The following CDYL variants were observed in gnomAD, a reference collection of about 807,000 sequenced individuals.
CDYL encodes the protein chromodomain Y-like protein.
In CDYL, 8 loss-of-function variants were observed where a neutral mutation model predicts 47.3. That is an observed-to-expected ratio of 0.17 (90% CI 0.10 to 0.31). CDYL has a LOEUF of 0.31. Ranked by LOEUF, CDYL falls within the 10% of genes least tolerant of loss-of-function variation. The pLI, the probability that CDYL is intolerant of heterozygous loss-of-function variation, is 1.00. For synonymous variants in CDYL, 266 were observed against 265.0 expected, an observed-to-expected ratio of 1.00 and a Z score of -0.04; for missense variants, 471 against 701.4, an observed-to-expected ratio of 0.67 and a Z score of 3.71.
At chr6:4,899,273 G>T (rs578124366) in intron 2 of CDYL, among the ~76,000 whole-genome samples, 64 of 152,344 alleles carry the variant, frequency 4.2e-4, no homozygotes, top group African/African-American at 1.5e-3. Context: ...TGTGGCTGGG[G>T]CCTGTGAATT....
chr6:4,938,980 C>G lies in CDYL; in HGVS notation c.1121+1243C>G, dbSNP rs571808572. 4.2e-4 allele frequency among the ~76,000 whole-genome samples: 64 copies of G among 152,300 alleles called. 1 individual carries two copies. In the South Asian group the frequency reaches 0.012, roughly 30 times the overall value. On this transcript the variant is annotated intron_variant, in intron 4 of 6. Transcript: ENST00000397588. Reference sequence around the variant, plus strand: ...AAAATGGATGAAACCTAGTCATCAACATGAAAGTTGGCTATGCTTCTCTAC... The same window carrying G: ...AAAATGGATGAAACCTAGTCATCAAGATGAAAGTTGGCTATGCTTCTCTAC...
At chr6:4,787,597 A>T (rs963246489) in intron 1 of CDYL, among the ~76,000 whole-genome samples, 6 of 152,032 alleles carry the variant, frequency 3.9e-5, no homozygotes, top group African/African-American at 1.2e-4. Context: ...AGACACATTC[A>T]GCTTGCCCAG....
intron 2 of CDYL, among the ~76,000 whole-genome samples, chr6:4,924,176 A>T (rs1370793214): frequency 6.6e-6 from 1 of 152,228 alleles, no homozygotes; most frequent in African/African-American, 2.4e-5. Flanking sequence ...TGGTACTTTT[A>T]TCTCAAAATA....
intron 2 of CDYL, among the ~76,000 whole-genome samples, chr6:4,895,152 CACAT>C (rs1332468200): frequency 8.5e-6 from 1 of 117,608 alleles, no homozygotes; most frequent in African/African-American, 2.8e-5. Flanking sequence ...TGTATCTATA[CACAT>C]ACATGTACAT....
intron 1 of CDYL, among the ~76,000 whole-genome samples, chr6:4,849,785 A>G (rs1234324124): frequency 1.3e-5 from 2 of 152,174 alleles, no homozygotes; most frequent in Non-Finnish European, 1.5e-5. Context: ...TTCAAGGGAC[A>G]TAGCAGGAAA....
intron 2 of CDYL, among the ~76,000 whole-genome samples, chr6:4,932,368 G>A (rs1758057004): frequency 6.6e-6 from 1 of 152,100 alleles, no homozygotes. Flanking sequence ...GGGGGTGTCG[G>A]CCCTCATTTA....
At chr6:4,899,550 TAGTAA>T (rs987437163) in intron 2 of CDYL, among the ~76,000 whole-genome samples, 7 of 152,208 alleles carry the variant, frequency 4.6e-5, no homozygotes, top group Non-Finnish European at 7.3e-5. Flanking sequence ...AAAGGCTGTT[TAGTAA>T]GGTCTGTTGA....
chr6:4,780,274 G>T (rs1758575844), intron 1 of CDYL, among the ~76,000 whole-genome samples: 1 of 148,670 alleles, frequency 6.7e-6, no homozygotes, highest in Non-Finnish European at 1.5e-5. Flanking sequence ...CTATCTCCCA[G>T]GCTGATGTGC....
intron 2 of CDYL, among the ~76,000 whole-genome samples, chr6:4,917,540 A>G (rs919015702): frequency 6.6e-6 from 1 of 152,216 alleles, no homozygotes; most frequent in Admixed American, 6.5e-5. Flanking sequence ...ACACAGTTAA[A>G]ATTAATGTAA....
At chr6:4,822,150 A>T (rs77855865) in intron 1 of CDYL, among the ~76,000 whole-genome samples, 2 of 138,360 alleles carry the variant, frequency 1.4e-5, no homozygotes, top group Non-Finnish European at 1.5e-5. Context: ...TCTTTTCTTT[A>T]TTTTTTTTTT....
At position 4,755,246 on chromosome 6, in the gene CDYL, T is replaced by C. The variant is rs577772897; in HGVS notation, c.186+20402T>C. 2.7e-4 allele frequency among the ~76,000 whole-genome samples: 41 copies of C among 151,912 alleles called. No individual in the cohort carries two copies. In the East Asian group the frequency reaches 6.8e-3, roughly 25 times the overall value. On this transcript the variant is annotated intron_variant, in intron 3 of 8. Coordinates refer to the CDYL transcript ENST00000328908. ...CACCTAATTTTTTTTTTTTTTTGTA[T>C]TTTTAGTTGAGACGGGGTTTCCCCC...
At chr6:4,784,532 G>A (rs193224393) in intron 1 of CDYL, among the ~76,000 whole-genome samples, 2 of 152,328 alleles carry the variant, frequency 1.3e-5, no homozygotes, top group East Asian at 3.9e-4. Context: ...TTTTCAAGAG[G>A]ACTGTTTATG....
chr6:4,812,916 T>C (rs1310138701), intron 1 of CDYL, among the ~76,000 whole-genome samples: 2 of 152,324 alleles, frequency 1.3e-5, no homozygotes, highest in South Asian at 2.1e-4. Context: ...ATGTGTGTGT[T>C]GTGTATTGTA....
At chr6:4,798,501 T>C (rs1377028223) in intron 1 of CDYL, among the ~76,000 whole-genome samples, 1 of 152,232 alleles carries the variant, frequency 6.6e-6, no homozygotes, top group Non-Finnish European at 1.5e-5. Flanking sequence ...GATAGTTCTG[T>C]AGTTTTATTA....
At chr6:4,852,311 C>T (rs1760852488) in intron 1 of CDYL, among the ~76,000 whole-genome samples, 1 of 152,102 alleles carries the variant, frequency 6.6e-6, no homozygotes, top group Admixed American at 6.5e-5. Context: ...AAGGCAGGGC[C>T]AGTCTTCCTT....
At chr6:4,921,329 C>T (rs1001160331) in intron 2 of CDYL, among the ~76,000 whole-genome samples, 3 of 152,196 alleles carry the variant, frequency 2.0e-5, no homozygotes, top group African/African-American at 7.2e-5. Flanking sequence ...CAGCACCGGC[C>T]TTCTCCCCAT....
upstream of CDYL, chr6:4,772,957 C>T (rs985023253): frequency 8.2e-6 from 3 of 365,016 alleles, no homozygotes; most frequent in Middle Eastern, 4.2e-4. Context: ...AATGCAGATT[C>T]TTGGGAGAAA....
intron 1 of CDYL, among the ~76,000 whole-genome samples, chr6:4,871,867 T>C (rs1359244473): frequency 6.6e-6 from 1 of 152,176 alleles, no homozygotes; most frequent in African/African-American, 2.4e-5. Context: ...ACCCCTAATA[T>C]TCCGCATTGG....
chr6:4,725,948 A>C (rs1561826441), intron 2 of CDYL, among the ~76,000 whole-genome samples: 1 of 151,862 alleles, frequency 6.6e-6, no homozygotes. Context: ...AGAGCAAATT[A>C]CCAAGCAGCG....
Sources: gnomAD v4.1 joint callset for allele counts (sites outside exome capture counted in the v4.1 genomes callset) on GRCh38, gnomAD v4.1.1 for gene constraint, MANE v1.5 for transcripts, NCBI Gene and HGNC (gene_info 2026-07-23, HGNC 2026-07-21) for gene names.